Variants in COL6A6 observed in about 807,000 individuals in gnomAD.
COL6A6 encodes the protein collagen type VI alpha 6 chain, also known as collagen alpha-6(VI) chain.
Under a neutral mutation model 208.6 loss-of-function variants are expected in COL6A6, and 183 were observed. The ratio of observed to expected loss-of-function variants is 0.88; its 90% confidence interval spans 0.78 to 0.99. The LOEUF (loss-of-function observed/expected upper bound fraction) is 0.99. Ranked by LOEUF, COL6A6 falls within the 50% of genes least tolerant of loss-of-function variation. The pLI is 0.00. For missense variants in COL6A6, 2,816 were observed against 2,815.2 expected (o/e 1.00, Z -0.01); for synonymous variants, 973 against 1,011.8 (o/e 0.96, Z 0.73).
intron 8 of COL6A6, among the ~76,000 whole-genome samples, chr3:130,575,324 G>A (rs1174672892): frequency 6.6e-6 from 1 of 152,102 alleles, no homozygotes; most frequent in East Asian, 1.9e-4. Context: ...AACATTGTGA[G>A]GATTAAATGA....
chr3:130,552,508 T>A (rs2062666027), intron 1 of COL6A6, among the ~76,000 whole-genome samples: 1 of 152,234 alleles, frequency 6.6e-6, no homozygotes, highest in African/African-American at 2.4e-5. Flanking sequence ...TTCATGCCTT[T>A]ACTTTGAGCC....
At chr3:130,644,071 A>G (rs979594477) in intron 31 of COL6A6, among the ~76,000 whole-genome samples, 1 of 152,194 alleles carries the variant, frequency 6.6e-6, no homozygotes, top group Non-Finnish European at 1.5e-5. Context: ...AATTTAAGGG[A>G]CTCCATAAAA....
intron 1 of COL6A6, among the ~76,000 whole-genome samples, chr3:130,525,149 T>A (rs999477703): frequency 3.9e-5 from 6 of 152,190 alleles, no homozygotes; most frequent in African/African-American, 1.2e-4. Flanking sequence ...AGATTTGAAT[T>A]CTGGATGTGG....
At chr3:130,674,346 G>GT (rs2066307576) in intron 36 of COL6A6, among the ~76,000 whole-genome samples, 1 of 152,280 alleles carries the variant, frequency 6.6e-6, no homozygotes, top group East Asian at 1.9e-4. Context: ...GTCAGCAGAG[G>GT]TTTTTTCAGA....
At chr3:130,616,314 G>T (rs75018820) in intron 23 of COL6A6, among the ~76,000 whole-genome samples, 2 of 152,066 alleles carry the variant, frequency 1.3e-5, no homozygotes, top group Admixed American at 1.3e-4. Flanking sequence ...TAGGATATAC[G>T]TTTAAGAAAA....
chr3:130,661,837 G>T lies in COL6A6; in HGVS notation c.6031G>T (p.Ala2011Ser). The T allele has an allele frequency of 6.2e-7, 1 of 1,613,842 alleles. No homozygotes were observed. The highest frequency in any genetic ancestry group is 2.2e-5 in the East Asian group (1 of 44,878). ...GACTTCTGTCACTGGAGACCGGGTG[G>T]CCCTATTGAGCCATGCTCCCCCCGA... ...PETSVTGDRVALLSHAPPDFL... is the reference protein window; with the variant it reads ...PETSVTGDRVSLLSHAPPDFL... The change falls in exon 35 of 37, where the codon GCC becomes TCC. Residue 2011 changes from alanine to serine, a missense_variant. Coordinates refer to ENST00000358511, the MANE Select transcript of COL6A6 (RefSeq NM_001102608.3).
At chr3:130,608,493 T>C (rs949096356) in intron 21 of COL6A6, among the ~76,000 whole-genome samples, 6 of 152,142 alleles carry the variant, frequency 3.9e-5, no homozygotes, top group African/African-American at 1.2e-4. Flanking sequence ...GTTCCCTAGA[T>C]ATTTAATTGA....
In COL6A6 at chr3:130,634,597, A is replaced by G; in HGVS notation, c.5000A>G (p.Glu1667Gly). 6.2e-7 allele frequency: 1 copy of G among 1,607,426 alleles called. No homozygotes were observed. The highest frequency in any genetic ancestry group is 2.2e-5 in the East Asian group (1 of 44,758). ...SVGRKGAKGQ[E>G]GFPGESGPKG... The stretch of plus-strand genomic sequence containing the variant: ...TCCTCCTGTCCATTACAGGGACAAG[A>G]AGGATTCCCTGGAGAAAGTGGACCT... Residue 1667 changes from glutamate to glycine, a missense_variant, in exon 27 of 37, where the codon GAA becomes GGA. Physicochemically the swap from Glu to Gly is moderately conservative, Grantham distance 98. Coordinates refer to ENST00000358511, the MANE Select transcript of COL6A6 (RefSeq NM_001102608.3).
At chr3:130,554,906 G>T (rs2062733371) in intron 1 of COL6A6, among the ~76,000 whole-genome samples, 2 of 152,100 alleles carry the variant, frequency 1.3e-5, no homozygotes, top group Admixed American at 1.3e-4. Context: ...CAGCATAGGA[G>T]CTATGACGTG....
rs151227182 is a variant in COL6A6 at position 130,642,343 on chromosome 3, G to A, written c.5155-489G>A. ...CCTTTCCAGATGTTCAATTGAGTCC[G>A]ATCATTTTGTCAGCTAACAAATGAT... On this transcript the variant is annotated intron_variant, in intron 29 of 36. Coordinates refer to ENST00000358511, the MANE Select transcript of COL6A6 (RefSeq NM_001102608.3). 2.0e-5 allele frequency among the ~76,000 whole-genome samples: 3 copies of A among 151,238 alleles called. No individual in the cohort carries two copies. In the East Asian group the frequency reaches 5.8e-4, roughly 29 times the overall value.
In COL6A6 at chr3:130,574,515, G is replaced by A. The variant is rs550718614; in HGVS notation, c.3537G>A (p.Ala1179=). 3.9e-5 allele frequency: 63 copies of A among 1,612,876 alleles called. 2 individuals are homozygous for A. In the South Asian group the frequency reaches 5.6e-4, roughly 14 times the overall value. The change falls in exon 8 of 37, where the codon GCG becomes GCA. Residue 1179 remains alanine, a synonymous_variant. Transcript: ENST00000358511. The part of the protein sequence containing the change: ...KRIVRNICTT[A]GESNCFVDVV... Reference sequence around the variant, plus strand: ...TCGTTCGCAACATCTGTACCACAGCGGGTGAAAGCAGTAAGTATTTAGCAA... The same window carrying A: ...TCGTTCGCAACATCTGTACCACAGCAGGTGAAAGCAGTAAGTATTTAGCAA...
chr3:130,590,244 CT>C (rs1187919228), intron 12 of COL6A6, among the ~76,000 whole-genome samples: 7 of 34,264 alleles, frequency 2.0e-4, no homozygotes, highest in African/African-American at 2.9e-4. Context: ...AATTCCATTT[CT>C]TTTTTTTTCA....
At chr3:130,582,137 C>G in intron 10 of COL6A6, 69 bp downstream of exon 10, 1 of 991,158 alleles carries the variant, frequency 1.0e-6, no homozygotes, top group Non-Finnish European at 1.5e-6. Context: ...AATTCTGGCT[C>G]TTAAATTTCC....
chr3:130,634,768 C>G, intron 27 of COL6A6, 143 bp downstream of exon 27: 1 of 602,618 alleles, frequency 1.7e-6, no homozygotes, highest in Admixed American at 3.5e-5. Context: ...AAGAAATAGA[C>G]CAATATTTTT....
Position 130,568,134 on chromosome 3 carries a change from T to A in COL6A6, c.1931T>A (p.Phe644Tyr), listed in dbSNP as rs1410548560. ...GAAAACTTCAGCAAAATGAAAACAT[T>A]TATGAAAAACCTGGTGAGCAAGTCT... The part of the protein sequence containing the change: ...GPENFSKMKT[F>Y]MKNLVSKSQI... The change falls in exon 6 of 37, where the codon TTT becomes TAT. Residue 644 changes from phenylalanine to tyrosine, a missense_variant. Coordinates refer to ENST00000358511, the MANE Select transcript of COL6A6 (RefSeq NM_001102608.3). 1 of 1,613,942 alleles carries A rather than the reference T, an allele frequency of 6.2e-7. No homozygotes were observed. The highest frequency in any genetic ancestry group is 1.7e-5 in the Admixed American group (1 of 60,010).
At chr3:130,663,306 G>A (rs934286987) in intron 35 of COL6A6, among the ~76,000 whole-genome samples, 2 of 152,152 alleles carry the variant, frequency 1.3e-5, no homozygotes, top group Non-Finnish European at 2.9e-5. Flanking sequence ...TTGGGAGCTT[G>A]TTAGAAATGT....
chr3:130,543,699 CAT>C (rs1024048163), intron 1 of COL6A6, among the ~76,000 whole-genome samples: 9 of 152,178 alleles, frequency 5.9e-5, no homozygotes, highest in Admixed American at 2.0e-4. Context: ...TACACACACA[CAT>C]ACAAGCATAT....
At chr3:130,584,857 G>A (rs905619851) in intron 10 of COL6A6, among the ~76,000 whole-genome samples, 7 of 152,038 alleles carry the variant, frequency 4.6e-5, no homozygotes, top group Admixed American at 6.6e-5. Flanking sequence ...CTTGTGATCC[G>A]CCTGCCTCGG....
chr3:130,538,158 G>A (rs2062269124), intron 1 of COL6A6, among the ~76,000 whole-genome samples: 2 of 152,286 alleles, frequency 1.3e-5, no homozygotes, highest in South Asian at 4.1e-4. Flanking sequence ...TGTGACCTGA[G>A]GAAATGCTCA....
Sources: gnomAD v4.1 joint callset for allele counts (sites outside exome capture counted in the v4.1 genomes callset) on GRCh38, gnomAD v4.1.1 for gene constraint, MANE v1.5 for transcripts, NCBI Gene and HGNC (gene_info 2026-07-23, HGNC 2026-07-21) for gene names.